The following GPR19 variants were observed in gnomAD, a reference collection of about 807,000 sequenced individuals.
GPR19 encodes the protein G protein-coupled receptor 19, also known as probable G protein-coupled receptor 19.
In GPR19, 14 loss-of-function variants were observed where a neutral mutation model predicts 28.5. The observed-to-expected ratio is 0.49, with a 90% CI of 0.32 to 0.77. The LOEUF (loss-of-function observed/expected upper bound fraction) is 0.77. Ranked by LOEUF, GPR19 falls within the 30% of genes least tolerant of loss-of-function variation. The probability of loss-of-function intolerance (pLI) is 0.03; values close to 1 mark genes in which losing one functional copy is unlikely to be tolerated. For synonymous variants in GPR19, 173 were observed against 184.1 expected (o/e 0.94, Z 0.49); for missense variants, 409 against 504.1 (o/e 0.81, Z 1.81).
intron 3 of GPR19, chr12:12,669,171 A>G (rs764664202): frequency 2.0e-5 from 3 of 152,254 alleles, no homozygotes; most frequent in Non-Finnish European, 4.4e-5. Context: ...GACATAGTGA[A>G]CAGTTTTAAA....
chr12:12,664,901 C>T (rs925102136), intron 3 of GPR19, among the ~76,000 whole-genome samples: 1 of 103,900 alleles, frequency 9.6e-6, no homozygotes. Context: ...GGCTGGGCGA[C>T]GGGGTGAGAC....
At chr12:12,674,250 A>G in intron 3 of GPR19, among the ~76,000 whole-genome samples, 1 of 146,108 alleles carries the variant, frequency 6.8e-6, no homozygotes, top group Admixed American at 6.9e-5. Flanking sequence ...CAGCCTGGGC[A>G]ACATAGTCAG....
chr12:12,678,073 CAAAA>C (rs56014911), intron 3 of GPR19, among the ~76,000 whole-genome samples: 14 of 46,134 alleles, frequency 3.0e-4, no homozygotes, highest in African/African-American at 4.4e-4. Context: ...GACTCTGTCT[CAAAA>C]AAAAAAAAAA....
At position 12,661,620 on chromosome 12, in the gene GPR19, T is replaced by A; in HGVS notation, c.829A>T (p.Met277Leu). Reference protein sequence around the residue: ...VPRTKVKTIKMFLILNLLFLL... With the variant: ...VPRTKVKTIKLFLILNLLFLL... ...AACAACAGATTTAAAATGAGGAACA[T>A]CTTGATAGTTTTCACTTTTGTCCGA... Residue 277 changes from methionine to leucine, a missense_variant, in exon 4 of 4, where the codon ATG (methionine) becomes TTG (leucine). Physicochemically the swap from Met to Leu is conservative, Grantham distance 15. Coordinates refer to ENST00000651487, the MANE Select transcript of GPR19 (RefSeq NM_006143.3). The surrounding 1 kb of genome is among the most constrained non-coding windows in gnomAD (Gnocchi z 4.2). 6.2e-7 allele frequency: 1 copy of A among 1,613,954 alleles called. No individual in the cohort carries two copies. Among genetic ancestry groups the A allele is most frequent in the Non-Finnish European group, 8.5e-7 (1 of 1,179,904 alleles).
chr12:12,681,077 CG>C (rs1216979798), intron 3 of GPR19, among the ~76,000 whole-genome samples: 2 of 152,096 alleles, frequency 1.3e-5, no homozygotes, highest in Admixed American at 6.6e-5. Flanking sequence ...GGATTACAGG[CG>C]TGAGTTATGG....
chr12:12,668,067 T>C (rs1207263025), intron 3 of GPR19, among the ~76,000 whole-genome samples: 2 of 152,202 alleles, frequency 1.3e-5, no homozygotes, highest in African/African-American at 4.8e-5. Flanking sequence ...AATATTTGAC[T>C]AGAGCTGAGA....
chr12:12,666,595 G>C (rs915174926), intron 3 of GPR19, among the ~76,000 whole-genome samples: 11 of 152,180 alleles, frequency 7.2e-5, no homozygotes, highest in Non-Finnish European at 2.9e-5. Context: ...CCATGTTTCT[G>C]TCTTCTCCAA....
At chr12:12,662,939 T>C (rs1310178793) in intron 3 of GPR19, among the ~76,000 whole-genome samples, 1 of 152,226 alleles carries the variant, frequency 6.6e-6, no homozygotes, top group Non-Finnish European at 1.5e-5. Context: ...ATTTTGACTA[T>C]GGAAGTAGCT....
the GPR19 span, among the ~76,000 whole-genome samples, chr12:12,703,646 A>C: frequency 3.6e-5 from 4 of 112,542 alleles, no homozygotes. Flanking sequence ...GGCTTAGCTA[A>C]TAACCATTTT....
intron 2 of GPR19, among the ~76,000 whole-genome samples, chr12:12,694,239 C>G (rs999685401): frequency 6.2e-5 from 8 of 129,082 alleles, no homozygotes; most frequent in African/African-American, 2.4e-4. Context: ...CGCTCTGTCG[C>G]CCAGGCTGGA....
At chr12:12,714,405 G>T in the GPR19 span, among the ~76,000 whole-genome samples, 1 of 152,192 alleles carries the variant, frequency 6.6e-6, no homozygotes, top group African/African-American at 2.4e-5. Flanking sequence ...GACGCTGGCG[G>T]CTTGCTCATT....
the GPR19 span, among the ~76,000 whole-genome samples, chr12:12,705,690 G>A: frequency 6.6e-6 from 1 of 151,938 alleles, no homozygotes; most frequent in Non-Finnish European, 1.5e-5. Flanking sequence ...TGGGACTACA[G>A]GCATACACCA....
intron 3 of GPR19, among the ~76,000 whole-genome samples, chr12:12,666,732 A>G (rs999275166): frequency 2.0e-5 from 3 of 152,246 alleles, no homozygotes; most frequent in African/African-American, 7.2e-5. Context: ...CTGTAAGGAC[A>G]GAGAACTGAA....
chr12:12,715,189 TC>T, the GPR19 span: 1 of 152,210 alleles, frequency 6.6e-6, no homozygotes, highest in African/African-American at 2.4e-5. Flanking sequence ...TATATAGAGT[TC>T]CTGTGTTGTC....
chr12:12,717,111 T>A, the GPR19 span: 8 of 1,013,898 alleles, frequency 7.9e-6, no homozygotes, highest in Non-Finnish European at 9.4e-6. Flanking sequence ...TTGGCTAGTT[T>A]GTTTGTCTTA....
intron 3 of GPR19, among the ~76,000 whole-genome samples, chr12:12,662,906 C>T (rs1333591765): frequency 6.6e-6 from 1 of 152,212 alleles, no homozygotes; most frequent in East Asian, 1.9e-4. Context: ...AAGAGGAAAG[C>T]TTGGGCAGAT....
chr12:12,697,153 T>TAAA (rs386375639), upstream of GPR19, among the ~76,000 whole-genome samples: 10,138 of 48,376 alleles, frequency 0.21, 2,330 homozygotes, highest in Non-Finnish European at 0.24. Flanking sequence ...TGAAGCGAAG[T>TAAA]AAAAAAAAAA....
At chr12:12,711,554 C>T in the GPR19 span, among the ~76,000 whole-genome samples, 1 of 152,140 alleles carries the variant, frequency 6.6e-6, no homozygotes, top group Non-Finnish European at 1.5e-5. Context: ...CATAAAGCCA[C>T]ACCTAATTGC....
chr12:12,711,057 AC>A, the GPR19 span, among the ~76,000 whole-genome samples: 1 of 152,070 alleles, frequency 6.6e-6, no homozygotes, highest in Admixed American at 6.6e-5. Context: ...TAATCCCAGC[AC>A]TTTGGGAGGC....
Sources: allele counts gnomAD v4.1 joint callset (sites outside exome capture counted in the v4.1 genomes callset), GRCh38; gene constraint gnomAD v4.1.1; non-coding constraint Gnocchi (gnomAD v3.1); transcripts MANE v1.5; gene names NCBI Gene and HGNC (gene_info 2026-07-23, HGNC 2026-07-21).